The following BAALC variants were observed in gnomAD, a reference collection of about 807,000 sequenced individuals.
The protein encoded by BAALC is BAALC binder of MAP3K1 and KLF4.
In BAALC, 9 loss-of-function variants were observed where a neutral mutation model predicts 15.5. The ratio of observed to expected loss-of-function variants is 0.58; its 90% CI spans 0.35 to 1.02. The LOEUF (loss-of-function observed/expected upper bound fraction) is 1.02. Among genes scored for constraint, BAALC ranks in the 50% least tolerant of loss-of-function variants. The pLI, the probability that BAALC is intolerant of heterozygous loss-of-function variation, is 0.02. For missense variants in BAALC, 201 were observed against 192.4 expected, an observed-to-expected ratio of 1.04 and a Z score of -0.27; for synonymous variants, 80 against 74.6, an observed-to-expected ratio of 1.07 and a Z score of -0.37.
intron 1 of BAALC, among the ~76,000 whole-genome samples, chr8:103,210,958 G>A (rs1812435961): frequency 6.6e-6 from 1 of 151,998 alleles, no homozygotes; most frequent in South Asian, 2.1e-4. Context: ...TTGTTTCATA[G>A]TCTTCTTATG....
intron 1 of BAALC, among the ~76,000 whole-genome samples, chr8:103,170,626 T>C (rs1811462278): frequency 6.6e-6 from 1 of 152,158 alleles, no homozygotes; most frequent in Admixed American, 6.5e-5. Flanking sequence ...GAACTGATTC[T>C]CAGTTCCTCC....
intron 1 of BAALC, chr8:103,183,492 A>G: frequency 1.4e-6 from 1 of 702,236 alleles, no homozygotes; most frequent in Non-Finnish European, 2.6e-6. Flanking sequence ...GTATGGGGGG[A>G]CCAGATCTGG....
At chr8:103,195,693 C>T (rs914198233) in intron 1 of BAALC, among the ~76,000 whole-genome samples, 35 of 152,164 alleles carry the variant, frequency 2.3e-4, no homozygotes, top group African/African-American at 8.2e-4. Context: ...TTTGCACTTG[C>T]TTTCTCTGGA....
In BAALC at chr8:103,200,040, T is replaced by C. The variant is rs1586424994; in HGVS notation, c.161-12879T>C. Among the ~76,000 whole-genome samples, 4 of 152,230 alleles carry C rather than the reference T, an allele frequency of 2.6e-5. No homozygotes were observed. In the South Asian group the frequency reaches 8.3e-4, roughly 32 times the overall value. ...TCTATGGTGTATATATACAACATTTTCTTTATCTAGTCTATCACCAAGGGG... is the reference window on the plus strand; with the variant it reads ...TCTATGGTGTATATATACAACATTTCCTTTATCTAGTCTATCACCAAGGGG... On this transcript the variant is annotated intron_variant, in intron 1 of 2. Transcript: ENST00000309982.
intron 1 of BAALC, among the ~76,000 whole-genome samples, chr8:103,202,614 TAAGAG>T (rs1812242953): frequency 6.6e-6 from 1 of 152,292 alleles, no homozygotes; most frequent in Admixed American, 6.5e-5. Flanking sequence ...GAGAAGAGCA[TAAGAG>T]AAGTGTTTTG....
intron 1 of BAALC, among the ~76,000 whole-genome samples, chr8:103,163,980 G>A (rs1439340307): frequency 6.6e-6 from 1 of 152,114 alleles, no homozygotes; most frequent in African/African-American, 2.4e-5. Context: ...AATGGTGATG[G>A]GTAGAGAAAG....
chr8:103,218,393 G>C (rs944701815), intron 2 of BAALC, among the ~76,000 whole-genome samples: 5 of 151,922 alleles, frequency 3.3e-5, no homozygotes, highest in Non-Finnish European at 2.9e-5. Flanking sequence ...CATTGGCTTG[G>C]TCTCCTTCAT....
intron 2 of BAALC, among the ~76,000 whole-genome samples, chr8:103,227,200 T>A (rs1385741470): frequency 1.3e-5 from 2 of 152,206 alleles, no homozygotes; most frequent in Non-Finnish European, 2.9e-5. Context: ...TGTGTGTATT[T>A]GTGATAATCT....
At chr8:103,185,050 G>A (rs1411707879) in intron 1 of BAALC, among the ~76,000 whole-genome samples, 1 of 152,072 alleles carries the variant, frequency 6.6e-6, no homozygotes, top group African/African-American at 2.4e-5. Context: ...CCTAGTCTCC[G>A]AAGAATAGCC....
At position 103,167,168 on chromosome 8, in the gene BAALC, AAGAT is replaced by A. The variant is rs757952042; in HGVS notation, c.160+26115_160+26118del. 3.3e-5 allele frequency among the ~76,000 whole-genome samples: 5 copies of A among 152,218 alleles called. 1 individual carries two copies. The highest frequency in any genetic ancestry group is 7.3e-5 in the Non-Finnish European group (5 of 68,032). Reference sequence around the variant, plus strand: ...ACATTATTGAAAGGCTTCAGATACTAAGATAGACCAAATATAAATGTCCTTTCAG... The same window carrying A: ...ACATTATTGAAAGGCTTCAGATACTAAGACCAAATATAAATGTCCTTTCAG... On this transcript the variant is annotated intron_variant, in intron 1 of 2. Transcript: ENST00000309982.
Position 103,221,561 on chromosome 8 carries a change from C to A in BAALC, c.328-6428C>A, listed in dbSNP as rs1812678530. Among the ~76,000 whole-genome samples, 6 of 151,868 alleles carry A rather than the reference C, an allele frequency of 4.0e-5. No individual in the cohort carries two copies. In the South Asian group the frequency reaches 1.2e-3, roughly 32 times the overall value. On this transcript the variant is annotated intron_variant, in intron 2 of 2. Coordinates refer to ENST00000309982, the MANE Select transcript of BAALC (RefSeq NM_024812.3). ...GTGATGTTAAAAAAGGTTTGGCTGG[C>A]TGGAAACTACATCAGAGGGGAAAAT...
chr8:103,142,527 G>A (rs1810800502), intron 1 of BAALC, among the ~76,000 whole-genome samples: 1 of 152,196 alleles, frequency 6.6e-6, no homozygotes, highest in Non-Finnish European at 1.5e-5. Flanking sequence ...GGTTTCCCAA[G>A]GAGGTATGGT....
chr8:103,214,487 C>T (rs187735503), intron 2 of BAALC, among the ~76,000 whole-genome samples: 1 of 152,212 alleles, frequency 6.6e-6, no homozygotes, highest in Non-Finnish European at 1.5e-5. Flanking sequence ...ACTTACTGGT[C>T]CTGTCCCCTC....
At chr8:103,200,483 A>C (rs193186106) in intron 1 of BAALC, among the ~76,000 whole-genome samples, 271 of 152,298 alleles carry the variant, frequency 1.8e-3, no homozygotes, top group African/African-American at 6.1e-3. Context: ...CAAGGAGTAA[A>C]AAACAAACAA....
intron 1 of BAALC, among the ~76,000 whole-genome samples, chr8:103,208,664 A>G (rs1586432289): frequency 6.6e-6 from 1 of 152,280 alleles, no homozygotes; most frequent in African/African-American, 2.4e-5. Context: ...TTATAAGTAA[A>G]TCCAATGGAC....
At chr8:103,202,375 C>T (rs189925691) in intron 1 of BAALC, among the ~76,000 whole-genome samples, 2 of 152,266 alleles carry the variant, frequency 1.3e-5, no homozygotes, top group African/African-American at 2.4e-5. Context: ...CATGTGAAGA[C>T]AGAGGGAGAA....
At chr8:103,210,929 CT>C (rs1812435327) in intron 1 of BAALC, among the ~76,000 whole-genome samples, 1 of 152,046 alleles carries the variant, frequency 6.6e-6, no homozygotes, top group African/African-American at 2.4e-5. Context: ...TGTGTATATC[CT>C]TTGAAATCTT....
At chr8:103,150,751 C>T (rs62527615) in intron 1 of BAALC, among the ~76,000 whole-genome samples, 6,504 of 152,206 alleles carry the variant, frequency 0.043, 160 homozygotes, top group African/African-American at 0.06. Flanking sequence ...AAAGCTGATG[C>T]CCTTTGGCCT....
chr8:103,197,455 C>T (rs1007857459), intron 1 of BAALC, among the ~76,000 whole-genome samples: 3 of 152,102 alleles, frequency 2.0e-5, no homozygotes, highest in Non-Finnish European at 4.4e-5. Flanking sequence ...AATTGTTTTT[C>T]GAGTCTTTCT....
Sources: gnomAD v4.1 joint callset for allele counts (sites outside exome capture counted in the v4.1 genomes callset) on GRCh38, gnomAD v4.1.1 for gene constraint, MANE v1.5 for transcripts, NCBI Gene and HGNC (gene_info 2026-07-23, HGNC 2026-07-21) for gene names.